PDE3A: variants seen among roughly 807,000 people sequenced by gnomAD.
PDE3A encodes the protein phosphodiesterase 3A.
A neutral mutation model predicts 98.3 loss-of-function variants in PDE3A; 43 were observed. The ratio of observed to expected loss-of-function variants is 0.44; its 90% confidence interval spans 0.34 to 0.56. The LOEUF (loss-of-function observed/expected upper bound fraction) is 0.56. Among genes scored for constraint, PDE3A ranks in the 20% least tolerant of loss-of-function variants. The pLI is 0.01. For missense variants in PDE3A, 1,427 were observed against 1,440.7 expected (o/e 0.99, Z 0.15); for synonymous variants, 663 against 567.9 (o/e 1.17, Z -2.38).
intron 1 of PDE3A, among the ~76,000 whole-genome samples, chr12:20,446,088 T>G (rs1944948427): frequency 6.6e-6 from 1 of 152,190 alleles, no homozygotes; most frequent in Non-Finnish European, 1.5e-5. Context: ...CTGAGCATTT[T>G]TCCCTTCGCC....
chr12:20,491,795 G>A (rs1236320363), intron 1 of PDE3A, among the ~76,000 whole-genome samples: 1 of 152,164 alleles, frequency 6.6e-6, no homozygotes, highest in African/African-American at 2.4e-5. Flanking sequence ...GCCTTAGCTA[G>A]GTTACTCTAC....
chr12:20,468,248 A>G (rs989738482), intron 1 of PDE3A, among the ~76,000 whole-genome samples: 16 of 152,098 alleles, frequency 1.1e-4, no homozygotes, highest in African/African-American at 3.9e-4. Flanking sequence ...TTTCTTTTTA[A>G]TAACATTTTG....
In PDE3A at chr12:20,552,003, C is replaced by A. The variant is rs1315920077; in HGVS notation, c.961-4657C>A. ...ATGGCCGGAGCAACGACGGAGCGTA[C>A]TCCCTAGTCCTGGCGGGGGGCTACG... On this transcript the variant is annotated intron_variant, in intron 1 of 15. Coordinates refer to ENST00000359062, the MANE Select transcript of PDE3A (RefSeq NM_000921.5). The surrounding 1 kb of genome is among the most constrained non-coding windows in gnomAD (Gnocchi z 5.1). The A allele has an allele frequency of 6.2e-7, 1 of 1,612,432 alleles. No individual in the cohort carries two copies. Among genetic ancestry groups the A allele is most frequent in the Admixed American group, 1.7e-5 (1 of 60,016 alleles).
At chr12:20,673,787 A>T (rs1239436438) in intron 15 of PDE3A, among the ~76,000 whole-genome samples, 1 of 150,916 alleles carries the variant, frequency 6.6e-6, no homozygotes, top group African/African-American at 2.4e-5. Context: ...AGCATGGCAC[A>T]TGTATACATA....
rs530249613 is a variant in PDE3A at position 20,618,373 on chromosome 12, C to A, written c.1424+1989C>A. Among the ~76,000 whole-genome samples, 18 of 152,050 alleles carry A rather than the reference C, an allele frequency of 1.2e-4. No homozygotes were observed. The South Asian group carries it at 1.7e-3, about 14-fold the overall frequency. On this transcript the variant is annotated intron_variant, in intron 4 of 15. Coordinates refer to ENST00000359062, the MANE Select transcript of PDE3A (RefSeq NM_000921.5). ...TTTATTTATTTATTCCTTTCCATAT[C>A]TTTTCATTTATTGGGTTTCTTTGAG...
intron 1 of PDE3A, among the ~76,000 whole-genome samples, chr12:20,487,501 T>TAAAAAAAAAAA (rs34671800): frequency 1.6e-5 from 1 of 61,996 alleles, no homozygotes; most frequent in Non-Finnish European, 2.8e-5. Context: ...CTGTCTCTAC[T>TAAAAAAAAAAA]AAAAAAAAAA....
intron 1 of PDE3A, among the ~76,000 whole-genome samples, chr12:20,422,029 C>T (rs1333169320): frequency 1.3e-5 from 2 of 152,070 alleles, no homozygotes; most frequent in African/African-American, 4.8e-5. Context: ...TTTGGTAGAA[C>T]GATTGCTATA....
At chr12:20,446,164 T>A (rs991709013) in intron 1 of PDE3A, among the ~76,000 whole-genome samples, 1 of 152,178 alleles carries the variant, frequency 6.6e-6, no homozygotes, top group Non-Finnish European at 1.5e-5. Flanking sequence ...AATTTGTGTT[T>A]TGTGAGAATT....
intron 1 of PDE3A, among the ~76,000 whole-genome samples, chr12:20,459,159 AGTGT>A (rs1378915163): frequency 6.6e-6 from 1 of 152,170 alleles, no homozygotes; most frequent in Non-Finnish European, 1.5e-5. Context: ...TTGTACATTG[AGTGT>A]GTATCAAGTT....
At chr12:20,482,671 G>A (rs548026924) in intron 1 of PDE3A, among the ~76,000 whole-genome samples, 2 of 152,284 alleles carry the variant, frequency 1.3e-5, no homozygotes, top group East Asian at 3.9e-4. Context: ...GTGTTTATGT[G>A]AAAGAATCTA....
chr12:20,677,854 A>G (rs113387731), intron 15 of PDE3A, among the ~76,000 whole-genome samples: 16 of 152,186 alleles, frequency 1.1e-4, no homozygotes, highest in African/African-American at 3.6e-4. Flanking sequence ...CATAGTCTCT[A>G]TGATTTATTT....
chr12:20,637,182 C>A lies in PDE3A; in HGVS notation c.2084C>A (p.Pro695Gln), dbSNP rs140157550. The A allele has an allele frequency of 5.6e-6, 9 of 1,609,670 alleles. No homozygotes were observed. The African/African-American group carries it at 9.3e-5, about 17-fold the overall frequency. The part of the protein sequence containing the change: ...IMEQLNTWNF[P>Q]IFDLVENIGR... ...GAGCAGCTAAATACTTGGAATTTTCCAATTTTTGATTTAGTGGAAAATATA... is the reference window on the plus strand; with the variant it reads ...GAGCAGCTAAATACTTGGAATTTTCAAATTTTTGATTTAGTGGAAAATATA... Residue 695 changes from proline (P) to glutamine (Q), a missense_variant, in exon 9 of 16, where the codon CCA becomes CAA. Pro to Gln is a moderately conservative substitution (Grantham distance 76). Around this residue, in one of 3 missense-constraint regions of PDE3A, gnomAD observed 273 missense variants for 420.3 expected, o/e 0.65. Coordinates refer to ENST00000359062, the MANE Select transcript of PDE3A (RefSeq NM_000921.5).
intron 1 of PDE3A, among the ~76,000 whole-genome samples, chr12:20,486,995 A>T (rs1050894741): frequency 3.3e-5 from 5 of 152,332 alleles, no homozygotes; most frequent in Middle Eastern, 3.4e-3. Context: ...AGAGACTTTC[A>T]AAGCATTACT....
intron 1 of PDE3A, among the ~76,000 whole-genome samples, chr12:20,379,079 A>T (rs1054306361): frequency 6.6e-6 from 1 of 151,748 alleles, no homozygotes. Flanking sequence ...TATTTATGCT[A>T]TGTCTGTGGC....
At chr12:20,387,426 TG>T (rs1436819378) in intron 1 of PDE3A, among the ~76,000 whole-genome samples, 1 of 152,076 alleles carries the variant, frequency 6.6e-6, no homozygotes, top group African/African-American at 2.4e-5. Context: ...TTTTTCCATT[TG>T]TTTGTGTCCT....
chr12:20,555,651 C>A (rs1942351599), intron 1 of PDE3A, among the ~76,000 whole-genome samples: 1 of 152,144 alleles, frequency 6.6e-6, no homozygotes, highest in Non-Finnish European at 1.5e-5. Flanking sequence ...TCTAGTTAAA[C>A]CTGAAATCTA....
chr12:20,428,555 A>G (rs1221843874), intron 1 of PDE3A, among the ~76,000 whole-genome samples: 5 of 152,158 alleles, frequency 3.3e-5, no homozygotes, highest in African/African-American at 7.2e-5. Flanking sequence ...TGCTGGGATT[A>G]CAGGAATGAG....
At chr12:20,414,227 G>A (rs767175856) in intron 1 of PDE3A, among the ~76,000 whole-genome samples, 1 of 152,102 alleles carries the variant, frequency 6.6e-6, no homozygotes, top group Non-Finnish European at 1.5e-5. Context: ...GGCCAATAAG[G>A]CCACGGAATT....
At chr12:20,576,669 T>G (rs1284684941) in intron 2 of PDE3A, among the ~76,000 whole-genome samples, 2 of 152,126 alleles carry the variant, frequency 1.3e-5, no homozygotes, top group Non-Finnish European at 2.9e-5. Context: ...TAGACAGTTT[T>G]CATTTTAAGT....
Sources: gnomAD v4.1 joint callset for allele counts (sites outside exome capture counted in the v4.1 genomes callset) on GRCh38, gnomAD v4.1.1 for gene constraint, gnomAD v4.1.1 regional missense constraint, Gnocchi (gnomAD v3.1) non-coding constraint, MANE v1.5 for transcripts, NCBI Gene and HGNC (gene_info 2026-07-23, HGNC 2026-07-21) for gene names.